SGCZ: variants seen among roughly 807,000 people sequenced by gnomAD.
SGCZ encodes sarcoglycan zeta, also known as zeta-sarcoglycan.
Under a neutral mutation model 41.3 loss-of-function variants are expected in SGCZ, and 40 were observed. The ratio of observed to expected loss-of-function variants is 0.97; its 90% CI spans 0.75 to 1.26. The LOEUF (loss-of-function observed/expected upper bound fraction) is 1.26. Among genes scored for constraint, SGCZ ranks in the 50% most tolerant of loss-of-function variants. The pLI is 0.00. For missense variants in SGCZ, 552 were observed against 369.8 expected (o/e 1.49, Z -4.04); for synonymous variants, 206 against 137.5 (o/e 1.50, Z -3.49).
At chr8:15,131,678 T>A (rs1234354519) in intron 1 of SGCZ, among the ~76,000 whole-genome samples, 1 of 152,078 alleles carries the variant, frequency 6.6e-6, no homozygotes, top group African/African-American at 2.4e-5. Context: ...CAAGGAAAAG[T>A]TTTTTCCTGC....
At chr8:14,237,086 C>A (rs1299495764) in intron 4 of SGCZ, among the ~76,000 whole-genome samples, 1 of 151,980 alleles carries the variant, frequency 6.6e-6, no homozygotes, top group Non-Finnish European at 1.5e-5. Context: ...AAAAGGGATA[C>A]ACAGACCTAA....
At chr8:14,941,136 G>A (rs759673271) in intron 1 of SGCZ, among the ~76,000 whole-genome samples, 27 of 152,034 alleles carry the variant, frequency 1.8e-4, no homozygotes, top group Non-Finnish European at 1.3e-4. Context: ...TCAGAATCAG[G>A]CACTCTTCTT....
At chr8:14,179,893 T>C (rs993925852) in intron 4 of SGCZ, among the ~76,000 whole-genome samples, 17 of 152,130 alleles carry the variant, frequency 1.1e-4, no homozygotes, top group African/African-American at 4.1e-4. Flanking sequence ...AAAAAAATCA[T>C]CACTGGACAC....
intron 5 of SGCZ, among the ~76,000 whole-genome samples, chr8:14,156,626 CTATT>C (rs1431054733): frequency 2.0e-5 from 3 of 152,136 alleles, no homozygotes; most frequent in Admixed American, 6.6e-5. Context: ...CAAAACTAAA[CTATT>C]TCTTTCTTTC....
intron 1 of SGCZ, among the ~76,000 whole-genome samples, chr8:14,753,775 T>C (rs1003154617): frequency 1.3e-5 from 2 of 152,208 alleles, no homozygotes; most frequent in African/African-American, 4.8e-5. Flanking sequence ...CAGTTGCCCA[T>C]ACATGACAGC....
At chr8:15,003,022 A>C (rs546722655) in intron 1 of SGCZ, among the ~76,000 whole-genome samples, 5 of 152,186 alleles carry the variant, frequency 3.3e-5, no homozygotes, top group Admixed American at 1.3e-4. Context: ...GTACAACGTA[A>C]CTTTGCTCCT....
At chr8:14,930,700 G>T (rs902125504) in intron 1 of SGCZ, among the ~76,000 whole-genome samples, 3 of 151,930 alleles carry the variant, frequency 2.0e-5, no homozygotes, top group African/African-American at 7.3e-5. Flanking sequence ...CATGGATGAC[G>T]CTGGAAACCA....
At chr8:14,965,366 G>C (rs1460693266) in intron 1 of SGCZ, among the ~76,000 whole-genome samples, 2 of 152,068 alleles carry the variant, frequency 1.3e-5, no homozygotes, top group Non-Finnish European at 2.9e-5. Context: ...GATTTGACTG[G>C]TGCATATTTG....
chr8:14,142,100 A>G (rs1803388611), intron 5 of SGCZ, among the ~76,000 whole-genome samples: 1 of 152,184 alleles, frequency 6.6e-6, no homozygotes, highest in Non-Finnish European at 1.5e-5. Context: ...TCTCACTCAT[A>G]GGTGGGAATT....
intron 2 of SGCZ, among the ~76,000 whole-genome samples, chr8:14,459,756 C>T (rs1205529649): frequency 2.0e-5 from 3 of 151,954 alleles, no homozygotes; most frequent in Non-Finnish European, 4.4e-5. Context: ...GGGAACACTA[C>T]TATGGTATTC....
intron 2 of SGCZ, among the ~76,000 whole-genome samples, chr8:14,552,018 T>G (rs1254950000): frequency 6.6e-6 from 1 of 151,936 alleles, no homozygotes; most frequent in Admixed American, 6.6e-5. Flanking sequence ...CTGTGTTGGA[T>G]ACAATAGTTA....
chr8:14,467,991 C>T (rs1314644638), intron 2 of SGCZ, among the ~76,000 whole-genome samples: 1 of 151,752 alleles, frequency 6.6e-6, no homozygotes, highest in Non-Finnish European at 1.5e-5. Context: ...TAATATTGAC[C>T]ATTTAATATG....
intron 1 of SGCZ, among the ~76,000 whole-genome samples, chr8:14,908,402 A>G (rs1163057377): frequency 6.6e-6 from 1 of 152,152 alleles, no homozygotes; most frequent in African/African-American, 2.4e-5. Context: ...TATTCTACCA[A>G]GGGGTATAAT....
chr8:14,696,960 A>C (rs891053161), intron 1 of SGCZ, among the ~76,000 whole-genome samples: 8 of 123,486 alleles, frequency 6.5e-5, no homozygotes, highest in Non-Finnish European at 1.2e-4. Flanking sequence ...ATGTTGATAA[A>C]GTTAAAAAAA....
chr8:14,339,038 C>T (rs1802605401), intron 2 of SGCZ, among the ~76,000 whole-genome samples: 1 of 151,982 alleles, frequency 6.6e-6, no homozygotes, highest in Admixed American at 6.6e-5. Flanking sequence ...AATATTTCTG[C>T]CAAGTGGGAA....
chr8:14,150,424 A>G (rs1803664554), intron 5 of SGCZ, among the ~76,000 whole-genome samples: 1 of 152,142 alleles, frequency 6.6e-6, no homozygotes. Context: ...CATACAAAAA[A>G]TGCTCAACAT....
intron 2 of SGCZ, among the ~76,000 whole-genome samples, chr8:14,453,790 A>G (rs958568910): frequency 6.6e-5 from 10 of 152,218 alleles, no homozygotes; most frequent in Non-Finnish European, 1.3e-4. Flanking sequence ...CTACTTTGCA[A>G]TGGTTTTCTA....
intron 1 of SGCZ, among the ~76,000 whole-genome samples, chr8:15,152,728 G>A (rs268376): frequency 0.69 from 105,317 of 152,008 alleles, 38,058 homozygotes; most frequent in Middle Eastern, 0.81. Context: ...TCCAGAGTAC[G>A]TATCTTATTC....
intron 3 of SGCZ, among the ~76,000 whole-genome samples, chr8:14,254,951 T>C (rs1288895671): frequency 6.6e-6 from 1 of 152,054 alleles, no homozygotes; most frequent in Non-Finnish European, 1.5e-5. Flanking sequence ...CAAAGTGAAG[T>C]TCTGAACTAG....
Sources: allele counts gnomAD v4.1 joint callset (sites outside exome capture counted in the v4.1 genomes callset), GRCh38; gene constraint gnomAD v4.1.1; transcripts MANE v1.5; gene names NCBI Gene and HGNC (gene_info 2026-07-23, HGNC 2026-07-21).